MAP2K5: variants seen among roughly 807,000 people sequenced by gnomAD.
MAP2K5 encodes dual specificity mitogen-activated protein kinase kinase 5.
MAP2K5 carries 49 observed loss-of-function variants against 83.1 expected under a neutral mutation model. The ratio of observed to expected loss-of-function variants is 0.59; its 90% confidence interval spans 0.47 to 0.75. The LOEUF is 0.75. MAP2K5 is among the 30% of genes least tolerant of loss of function. The probability of loss-of-function intolerance (pLI) is 0.00; values close to 1 mark genes in which losing one functional copy is unlikely to be tolerated. For missense variants in MAP2K5, 457 were observed against 557.5 expected (o/e 0.82, Z 1.82); for synonymous variants, 202 against 191.8 (o/e 1.05, Z -0.44).
At chr15:67,680,692 A>G (rs1329653642) in intron 13 of MAP2K5, among the ~76,000 whole-genome samples, 1 of 152,234 alleles carries the variant, frequency 6.6e-6, no homozygotes, top group Non-Finnish European at 1.5e-5. Context: ...ATTGGATGGA[A>G]CTGCATCATA....
rs368518209 is a variant in MAP2K5 at position 67,648,331 on chromosome 15, T to C, written c.736+1862T>C. ...CATATAAATGGAATCTGATAATATA[T>C]GGCCTTTGTGTCTGGCTTCCTTTAC... On this transcript the variant is annotated intron_variant, in intron 11 of 21. Coordinates refer to ENST00000178640, the MANE Select transcript of MAP2K5 (RefSeq NM_145160.3). 1.1e-3 allele frequency among the ~76,000 whole-genome samples: 172 copies of C among 152,352 alleles called. 3 individuals carry two copies. The South Asian group carries it at 0.032, about 28-fold the overall frequency.
In MAP2K5 at chr15:67,636,338, G is replaced by A. The variant is rs1304734200; in HGVS notation, c.585+5411G>A. Among the ~76,000 whole-genome samples the A allele has an allele frequency of 2.0e-5, 3 of 151,952 alleles. No homozygotes were observed. On this transcript the variant is annotated intron_variant, in intron 9 of 21. Transcript: ENST00000178640. This position sits in a 1 kb window ranked among gnomAD's most constrained non-coding sequence, Gnocchi z 4.7. ...CAGGAGAATGGCGTGAACCTGGGAA[G>A]TGGAGCTTGCAGTGAGCCAAGATTG...
Position 67,750,642 on chromosome 15 carries a change from G to C in MAP2K5, c.1134+2041G>C, listed in dbSNP as rs561251222. 1.3e-5 allele frequency among the ~76,000 whole-genome samples: 2 copies of C among 152,124 alleles called. No individual in the cohort carries two copies. The highest frequency in any genetic ancestry group is 4.8e-5 in the African/African-American group (2 of 41,420). On this transcript the variant is annotated intron_variant, in intron 19 of 21. Coordinates refer to ENST00000178640, the MANE Select transcript of MAP2K5 (RefSeq NM_145160.3). This position sits in a 1 kb window ranked among gnomAD's most constrained non-coding sequence, Gnocchi z 4.2. Reference sequence around the variant, plus strand: ...CGTGCCTAGAATCTACTAGTTTCTCGGGTAACTCTCTGCACATTATAAGTT... The same window carrying C: ...CGTGCCTAGAATCTACTAGTTTCTCCGGTAACTCTCTGCACATTATAAGTT...
Position 67,757,826 on chromosome 15 carries a change from A to G in MAP2K5, c.1134+9225A>G, listed in dbSNP as rs549114882. Among the ~76,000 whole-genome samples the G allele has an allele frequency of 6.6e-6, 1 of 152,258 alleles. No individual in the cohort carries two copies. The highest frequency in any genetic ancestry group is 2.1e-4 in the South Asian group (1 of 4,808). On this transcript the variant is annotated intron_variant, in intron 19 of 21. Transcript: ENST00000178640. The surrounding 1 kb of genome is among the most constrained non-coding windows in gnomAD (Gnocchi z 4.9). Reference sequence around the variant, plus strand: ...TGTTTGTAGCCATATAAATTCTATAATTAAAGTGTGGCCAAGGTGCTGGGG... The same window carrying G: ...TGTTTGTAGCCATATAAATTCTATAGTTAAAGTGTGGCCAAGGTGCTGGGG...
intron 11 of MAP2K5, among the ~76,000 whole-genome samples, chr15:67,656,057 A>G (rs916461148): frequency 8.5e-5 from 13 of 152,184 alleles, no homozygotes; most frequent in East Asian, 1.9e-4. Flanking sequence ...CAGAATTTCT[A>G]TTTGGTTACA....
intron 9 of MAP2K5, chr15:67,641,680 C>CAAAG (rs1367912356): frequency 1.1e-6 from 1 of 907,136 alleles, no homozygotes; most frequent in East Asian, 1.2e-4. Flanking sequence ...TCTCACTTAA[C>CAAAG]CCTTTCTCCA....
Position 67,628,465 on chromosome 15 carries a change from G to A in MAP2K5, c.546-2423G>A, listed in dbSNP as rs1184757046. ...ACTGCTCTCCAGCCTGGGCGACAGA[G>A]CGAGACTCCATCTAAAAAAAAATAA... On this transcript the variant is annotated intron_variant, in intron 8 of 21. Transcript: ENST00000178640. 12 of 587,882 alleles carry A rather than the reference G, an allele frequency of 2.0e-5. No homozygotes were observed. The East Asian group carries it at 3.6e-4, about 17-fold the overall frequency. The allele number at this position is 587,882 out of a possible 1,614,324, so 36.4% of individuals were successfully genotyped here.
chr15:67,715,244 G>GC (rs982116880), intron 16 of MAP2K5, among the ~76,000 whole-genome samples: 10 of 150,316 alleles, frequency 6.7e-5, no homozygotes, highest in African/African-American at 9.9e-5. Context: ...GGAGGGGGGG[G>GC]GTCTAAAATT....
At chr15:67,624,981 C>T (rs887569336) in intron 8 of MAP2K5, among the ~76,000 whole-genome samples, 8 of 152,134 alleles carry the variant, frequency 5.3e-5, no homozygotes, top group East Asian at 1.9e-4. Context: ...TATTCTGTCG[C>T]GGCTCGTCTT....
chr15:67,581,968 C>T (rs2085186876), intron 4 of MAP2K5, among the ~76,000 whole-genome samples: 1 of 151,520 alleles, frequency 6.6e-6, no homozygotes, highest in African/African-American at 2.4e-5. Context: ...TAATCCACTT[C>T]TGTTGTACTT....
At chr15:67,550,213 T>A in intron 2 of MAP2K5, 131 bp downstream of exon 2, 1 of 620,144 alleles carries the variant, frequency 1.6e-6, no homozygotes, top group South Asian at 2.3e-5. Context: ...CATTTAAATA[T>A]TTATAAATTG....
Position 67,780,271 on chromosome 15 carries a change from CTTTTTT to C in MAP2K5, c.1242+7528_1242+7533del, listed in dbSNP as rs67575262. On this transcript the variant is annotated intron_variant, in intron 21 of 21. Transcript: ENST00000178640. The surrounding 1 kb of genome is among the most constrained non-coding windows in gnomAD (Gnocchi z 5.0). ...AGAAGCTCTGGCCAGGGAGCAGATA[CTTTTTT>C]TTTTTTTTAACCTTTAAAGTTCTCT... 6.7e-6 allele frequency among the ~76,000 whole-genome samples: 1 copy of C among 148,676 alleles called. No homozygotes were observed. The highest frequency in any genetic ancestry group is 2.5e-5 in the African/African-American group (1 of 40,360).
intron 11 of MAP2K5, among the ~76,000 whole-genome samples, chr15:67,655,884 C>T (rs535499422): frequency 3.9e-5 from 6 of 152,060 alleles, no homozygotes; most frequent in South Asian, 2.1e-4. Flanking sequence ...TACAGGTCTC[C>T]GAGAATGTGT....
At chr15:67,661,176 A>G (rs930335776) in intron 12 of MAP2K5, among the ~76,000 whole-genome samples, 2 of 151,968 alleles carry the variant, frequency 1.3e-5, no homozygotes, top group African/African-American at 4.8e-5. Flanking sequence ...AAAGGAATTT[A>G]TATATACCTG....
At position 67,747,370 on chromosome 15, in the gene MAP2K5, A is replaced by G. The variant is rs958993333; in HGVS notation, c.1075-861A>G. ...GGTTCCTGAAAAGTTCTCTGTTAGA[A>G]AATGTAGTACCTGGAGTTTCATTTT... is the stretch of plus-strand genomic sequence containing the variant. On this transcript the variant is annotated intron_variant, in intron 17 of 21. Coordinates refer to ENST00000178640, the MANE Select transcript of MAP2K5 (RefSeq NM_145160.3). This position sits in a 1 kb window ranked among gnomAD's most constrained non-coding sequence, Gnocchi z 4.1. Among the ~76,000 whole-genome samples, 5 of 152,242 alleles carry G rather than the reference A, an allele frequency of 3.3e-5. No individual in the cohort carries two copies. The highest frequency in any genetic ancestry group is 1.2e-4 in the African/African-American group (5 of 41,472).
Position 67,783,209 on chromosome 15 carries a change from G to A in MAP2K5, c.1242+10457G>A, listed in dbSNP as rs1381962639. 6.6e-6 allele frequency among the ~76,000 whole-genome samples: 1 copy of A among 152,182 alleles called. No homozygotes were observed. The highest frequency in any genetic ancestry group is 2.4e-5 in the African/African-American group (1 of 41,442). ...AGGCAGCATGTCAGCCCCAAGTCCT[G>A]ACCCCCCAGCCAGCTCACAGTCCAG... On this transcript the variant is annotated intron_variant, in intron 21 of 21. Coordinates refer to ENST00000178640, the MANE Select transcript of MAP2K5 (RefSeq NM_145160.3). This position sits in a 1 kb window ranked among gnomAD's most constrained non-coding sequence, Gnocchi z 5.1.
chr15:67,723,867 CT>C (rs1378818526), intron 16 of MAP2K5, among the ~76,000 whole-genome samples: 2 of 151,298 alleles, frequency 1.3e-5, no homozygotes, highest in Non-Finnish European at 3.0e-5. Flanking sequence ...TGTTGTGATT[CT>C]TTTTTTTTCT....
rs1400973954 is a variant in MAP2K5 at position 67,708,639 on chromosome 15, T to C, written c.1044+5231T>C. Among the ~76,000 whole-genome samples the C allele has an allele frequency of 6.6e-6, 1 of 152,150 alleles. No individual in the cohort carries two copies. Among genetic ancestry groups the C allele is most frequent in the Non-Finnish European group, 1.5e-5 (1 of 68,012 alleles). ...ACTGCACCTGGCTGAACGCCTTCAT[T>C]GTTTTAAACCCCTGAAGTGACAGGG... On this transcript the variant is annotated intron_variant, in intron 16 of 21. Transcript: ENST00000178640. The surrounding 1 kb of genome is among the most constrained non-coding windows in gnomAD (Gnocchi z 4.9).
At chr15:67,695,065 C>T (rs1259438313) in intron 15 of MAP2K5, among the ~76,000 whole-genome samples, 1 of 145,628 alleles carries the variant, frequency 6.9e-6, no homozygotes, top group Admixed American at 7.3e-5. Flanking sequence ...ACAATGAGAA[C>T]ACATGGACAC....
Sources: allele counts gnomAD v4.1 joint callset (sites outside exome capture counted in the v4.1 genomes callset), GRCh38; gene constraint gnomAD v4.1.1; non-coding constraint Gnocchi (gnomAD v3.1); transcripts MANE v1.5; gene names NCBI Gene and HGNC (gene_info 2026-07-23, HGNC 2026-07-21).